The following UBR3 variants were observed in gnomAD, a reference collection of about 807,000 sequenced individuals.
UBR3 encodes the protein E3 ubiquitin-protein ligase UBR3.
UBR3 carries 85 observed loss-of-function variants against 243.2 expected under a neutral mutation model. The ratio of observed to expected loss-of-function variants is 0.35; its 90% CI spans 0.29 to 0.42. UBR3 has a LOEUF of 0.42. Ranked by LOEUF, UBR3 falls within the 10% of genes least tolerant of loss-of-function variation. The pLI, the probability that UBR3 is intolerant of heterozygous loss-of-function variation, is 1.00. For missense variants in UBR3, 1,686 were observed against 2,300.8 expected (o/e 0.73, Z 5.47); for synonymous variants, 748 against 799.8 (o/e 0.94, Z 1.09).
chr2:169,983,049 T>C (rs552754180), intron 24 of UBR3, among the ~76,000 whole-genome samples: 7 of 151,614 alleles, frequency 4.6e-5, no homozygotes, highest in African/African-American at 1.5e-4. Context: ...GTAGCCCACC[T>C]TGACTTATTC....
At chr2:169,955,793 C>CAGAAAAAAAA (rs2087256300) in intron 23 of UBR3, among the ~76,000 whole-genome samples, 1 of 78,510 alleles carries the variant, frequency 1.3e-5, no homozygotes, top group Non-Finnish European at 2.4e-5. Flanking sequence ...GACTCCATCT[C>CAGAAAAAAAA]AAAAAAAAAA....
chr2:170,048,167 T>G (rs2091133026), intron 32 of UBR3, among the ~76,000 whole-genome samples: 1 of 152,182 alleles, frequency 6.6e-6, no homozygotes, highest in Admixed American at 6.5e-5. Flanking sequence ...AGGATCATTG[T>G]GAGGATCATT....
Position 170,017,812 on chromosome 2 carries a change from A to G in UBR3, c.4453+2446A>G, listed in dbSNP as rs114710378. ...AGTAAAAAGTTACTCAAATTAGCTC[A>G]CATAGCAGCATAGTATGGTATTTTA... On this transcript the variant is annotated intron_variant, in intron 30 of 38. Coordinates refer to ENST00000272793, the MANE Select transcript of UBR3 (RefSeq NM_172070.4). Among the ~76,000 whole-genome samples the G allele has an allele frequency of 7.1e-3, 1,081 of 152,306 alleles. 9 individuals are homozygous for G. Among genetic ancestry groups the G allele is most frequent in the African/African-American group, 0.024 (1,016 of 41,574 alleles).
intron 1 of UBR3, among the ~76,000 whole-genome samples, chr2:169,867,245 A>G (rs2083291880): frequency 6.6e-6 from 1 of 152,160 alleles, no homozygotes; most frequent in Admixed American, 6.5e-5. Flanking sequence ...TTTTCTTCTT[A>G]TATATATTAA....
intron 35 of UBR3, 106 bp from the exon 36 acceptor site, chr2:170,073,319 TAAG>T (rs1014044627): frequency 1.5e-6 from 2 of 1,294,964 alleles, no homozygotes; most frequent in Non-Finnish European, 2.2e-6. Flanking sequence ...TTGACTCAGT[TAAG>T]AAAGTTTTCT....
intron 20 of UBR3, among the ~76,000 whole-genome samples, chr2:169,945,940 T>C (rs2086775440): frequency 6.6e-6 from 1 of 152,198 alleles, no homozygotes; most frequent in South Asian, 2.1e-4. Flanking sequence ...AACATTAATG[T>C]ACCATAAACA....
At chr2:169,970,019 A>C (rs1435820696) in intron 24 of UBR3, among the ~76,000 whole-genome samples, 1 of 102,008 alleles carries the variant, frequency 9.8e-6, no homozygotes, top group African/African-American at 3.9e-5. Flanking sequence ...GAATTTTTCT[A>C]TCTCTTTTTC....
At chr2:169,882,729 C>T (rs2105318401) in intron 5 of UBR3, among the ~76,000 whole-genome samples, 1 of 149,838 alleles carries the variant, frequency 6.7e-6, no homozygotes, top group South Asian at 2.1e-4. Flanking sequence ...CAGAGTGAGA[C>T]TCCATCTCAA....
intron 24 of UBR3, among the ~76,000 whole-genome samples, chr2:169,982,303 A>G (rs962747395): frequency 2.6e-5 from 4 of 152,158 alleles, no homozygotes; most frequent in Admixed American, 6.5e-5. Context: ...ACCCACAAAC[A>G]TGAAAGCAAA....
intron 29 of UBR3, among the ~76,000 whole-genome samples, chr2:170,011,895 A>G (rs886206876): frequency 7.2e-5 from 11 of 152,086 alleles, no homozygotes; most frequent in Admixed American, 5.2e-4. Flanking sequence ...TTCAATACCA[A>G]TCATTATTTT....
chr2:169,951,217 T>G lies in UBR3; in HGVS notation c.3545+1152T>G, dbSNP rs1428045831. ...TTGTCAACAGAGTTATCTGGACTACTGTTGTGAGCAGTATGACTAATACAT... is the reference window on the plus strand; with the variant it reads ...TTGTCAACAGAGTTATCTGGACTACGGTTGTGAGCAGTATGACTAATACAT... On this transcript the variant is annotated intron_variant, in intron 23 of 38. Transcript: ENST00000272793. 5.9e-5 allele frequency among the ~76,000 whole-genome samples: 9 copies of G among 152,310 alleles called. No individual in the cohort carries two copies. In the East Asian group the frequency reaches 1.7e-3, roughly 29 times the overall value.
chr2:169,949,580 C>A, intron 22 of UBR3, 25 bp from the exon 23 acceptor site: 1 of 1,480,054 alleles, frequency 6.8e-7, no homozygotes, highest in Non-Finnish European at 9.0e-7. Flanking sequence ...CTTGATTTTT[C>A]TTTGTTTCTC....
Position 169,833,514 on chromosome 2 carries a change from A to G in UBR3, c.545+5462A>G, listed in dbSNP as rs569801686. 2.1e-3 allele frequency among the ~76,000 whole-genome samples: 323 copies of G among 152,348 alleles called. 1 individual carries two copies. Among genetic ancestry groups the G allele is most frequent in the Non-Finnish European group, 1.4e-3 (97 of 68,034 alleles). On this transcript the variant is annotated intron_variant, in intron 1 of 38. Transcript: ENST00000272793. ...TAAATTGGATAAAAAAGTGGCTGCT[A>G]TACCCAAAAAGTTACTGTAAGATTA...
intron 22 of UBR3, 63 bp from the exon 23 acceptor site, chr2:169,949,542 G>A: frequency 7.3e-7 from 1 of 1,375,350 alleles, no homozygotes; most frequent in Non-Finnish European, 9.7e-7. Flanking sequence ...GTACTAATAT[G>A]TTTTTAAAAT....
At chr2:170,022,559 T>C (rs566719523) in intron 30 of UBR3, among the ~76,000 whole-genome samples, 2 of 152,242 alleles carry the variant, frequency 1.3e-5, no homozygotes, top group South Asian at 4.1e-4. Flanking sequence ...CTGTTGGACT[T>C]TGGGAACCTA....
At chr2:169,896,833 A>T (rs1308714933) in intron 8 of UBR3, 98 bp downstream of exon 8, 5 of 791,092 alleles carry the variant, frequency 6.3e-6, no homozygotes, top group African/African-American at 1.8e-5. Context: ...ACTAATAATG[A>T]TACTTAGTAT....
chr2:169,967,971 T>C (rs961279558), intron 24 of UBR3, among the ~76,000 whole-genome samples: 11 of 152,040 alleles, frequency 7.2e-5, no homozygotes, highest in Admixed American at 6.6e-4. Flanking sequence ...GTAACACATA[T>C]GTACACTTTC....
At chr2:169,977,587 C>T (rs1238445421) in intron 24 of UBR3, among the ~76,000 whole-genome samples, 2 of 152,172 alleles carry the variant, frequency 1.3e-5, no homozygotes, top group Non-Finnish European at 2.9e-5. Flanking sequence ...AAAAGGTGTT[C>T]TGCTCTGGGA....
At chr2:169,905,539 T>G (rs1232461744) in intron 9 of UBR3, among the ~76,000 whole-genome samples, 1 of 152,182 alleles carries the variant, frequency 6.6e-6, no homozygotes, top group Non-Finnish European at 1.5e-5. Flanking sequence ...AAATTTAACT[T>G]AATTTTTTTA....
Sources: allele counts gnomAD v4.1 joint callset (sites outside exome capture counted in the v4.1 genomes callset), GRCh38; gene constraint gnomAD v4.1.1; transcripts MANE v1.5; gene names NCBI Gene and HGNC (gene_info 2026-07-23, HGNC 2026-07-21).